Variants in ASCC3 observed in about 807,000 individuals in gnomAD.
The protein encoded by ASCC3 is activating signal cointegrator 1 complex subunit 3, also known as ASC-1 complex subunit P200.
Under a neutral mutation model 256.3 loss-of-function variants are expected in ASCC3, and 158 were observed. The observed-to-expected ratio is 0.62, with a 90% CI of 0.54 to 0.70. The LOEUF (loss-of-function observed/expected upper bound fraction) is 0.70, where lower values mean the gene tolerates loss of function less well. ASCC3 is among the 30% of genes least tolerant of loss of function. ASCC3 has a pLI of 0.00. For missense variants in ASCC3, 2,259 were observed against 2,626.0 expected (o/e 0.86, Z 3.05); for synonymous variants, 948 against 883.4 (o/e 1.07, Z -1.30).
At chr6:100,699,442 A>G (rs1169928589) in intron 13 of ASCC3, among the ~76,000 whole-genome samples, 1 of 152,160 alleles carries the variant, frequency 6.6e-6, no homozygotes. Flanking sequence ...TGGAACTGTA[A>G]GTATGTGAAA....
At chr6:100,675,400 C>A (rs913469583) in intron 14 of ASCC3, among the ~76,000 whole-genome samples, 1 of 152,084 alleles carries the variant, frequency 6.6e-6, no homozygotes, top group Non-Finnish European at 1.5e-5. Context: ...GATACCATCT[C>A]GGAAGAGACG....
chr6:100,522,752 C>T (rs946124938), intron 37 of ASCC3, among the ~76,000 whole-genome samples: 3 of 151,484 alleles, frequency 2.0e-5, no homozygotes, highest in South Asian at 2.1e-4. Flanking sequence ...AACCATTTAA[C>T]GTAAGTTATT....
At chr6:100,533,671 C>T (rs1234924787) in intron 37 of ASCC3, among the ~76,000 whole-genome samples, 1 of 152,160 alleles carries the variant, frequency 6.6e-6, no homozygotes, top group Admixed American at 6.5e-5. Flanking sequence ...TCTCTTTTTG[C>T]ATAACACATA....
chr6:100,518,168 C>G (rs373611160), intron 37 of ASCC3, 26 bp from the exon 38 acceptor site: 278 of 1,612,556 alleles, frequency 1.7e-4, no homozygotes, highest in Non-Finnish European at 1.2e-5. Context: ...GCACATGTTA[C>G]AAGAATTATA....
intron 3 of ASCC3, among the ~76,000 whole-genome samples, chr6:100,863,127 G>A (rs78177469): frequency 0.017 from 2,535 of 152,224 alleles, 76 homozygotes; most frequent in African/African-American, 0.058. Context: ...GGAAAATCTA[G>A]AACTATAATA....
At chr6:100,739,633 A>G (rs897732043) in intron 10 of ASCC3, among the ~76,000 whole-genome samples, 4 of 152,118 alleles carry the variant, frequency 2.6e-5, no homozygotes, top group Non-Finnish European at 5.9e-5. Context: ...TGGTCTATTC[A>G]GGGATTCAAT....
intron 4 of ASCC3, among the ~76,000 whole-genome samples, chr6:100,824,032 A>T (rs990242389): frequency 1.3e-5 from 2 of 152,188 alleles, no homozygotes; most frequent in African/African-American, 4.8e-5. Flanking sequence ...AAATCGGCTT[A>T]AAAAAGATAT....
intron 4 of ASCC3, among the ~76,000 whole-genome samples, chr6:100,806,277 T>C (rs1055207084): frequency 1.3e-5 from 2 of 152,012 alleles, no homozygotes; most frequent in African/African-American, 4.8e-5. Flanking sequence ...CAGTGTAATT[T>C]TTAGCGTTAA....
At chr6:100,877,407 T>TG (rs1774053914) in intron 1 of ASCC3, among the ~76,000 whole-genome samples, 1 of 152,168 alleles carries the variant, frequency 6.6e-6, no homozygotes, top group Admixed American at 6.5e-5. Flanking sequence ...GAATAAATAT[T>TG]AAACAGTGAA....
intron 34 of ASCC3, among the ~76,000 whole-genome samples, chr6:100,595,175 T>G (rs947300372): frequency 6.6e-6 from 1 of 152,152 alleles, no homozygotes; most frequent in East Asian, 1.9e-4. Context: ...ATGTATTGTG[T>G]ATTTTAAAAT....
chr6:100,684,087 A>G (rs1254830439), intron 13 of ASCC3, among the ~76,000 whole-genome samples: 1 of 152,186 alleles, frequency 6.6e-6, no homozygotes, highest in East Asian at 1.9e-4. Context: ...GATTCAGAAA[A>G]CTGGAATGCT....
intron 34 of ASCC3, among the ~76,000 whole-genome samples, chr6:100,597,127 C>T (rs1186438292): frequency 6.6e-6 from 1 of 151,796 alleles, no homozygotes; most frequent in Non-Finnish European, 1.5e-5. Flanking sequence ...CCCTGACTTT[C>T]TTTTTAATAC....
chr6:100,873,728 C>T (rs1352642204), intron 1 of ASCC3, among the ~76,000 whole-genome samples: 1 of 152,146 alleles, frequency 6.6e-6, no homozygotes, highest in African/African-American at 2.4e-5. Context: ...TATCTTCAGC[C>T]TCCTTAAACA....
intron 16 of ASCC3, among the ~76,000 whole-genome samples, chr6:100,656,505 T>C (rs1775922325): frequency 6.6e-6 from 1 of 151,624 alleles, no homozygotes; most frequent in African/African-American, 2.4e-5. Context: ...GAAAAAATAT[T>C]CATGCATTTG....
chr6:100,647,450 T>C lies in ASCC3; in HGVS notation c.3254A>G (p.Asn1085Ser). 2.5e-6 allele frequency: 4 copies of C among 1,612,862 alleles called. No individual in the cohort carries two copies. Among genetic ancestry groups the C allele is most frequent in the Non-Finnish European group, 3.4e-6 (4 of 1,178,908 alleles). Reference sequence around the variant, plus strand: ...AAGAGCACGGACAATTCTAGCTGCATTCTAAAAAATTATAGGAGGAGATTG... The same window carrying C: ...AAGAGCACGGACAATTCTAGCTGCACTCTAAAAAATTATAGGAGGAGATTG... ...LISDSAYVAQ[N>S]AARIVRALFE... Residue 1085 changes from asparagine to serine, a missense_variant and splice_region_variant, in exon 21 of 42, where the codon AAT becomes AGT. Transcript: ENST00000369162.
chr6:100,583,897 T>C (rs1369722728), intron 36 of ASCC3, among the ~76,000 whole-genome samples: 3 of 152,230 alleles, frequency 2.0e-5, no homozygotes, highest in African/African-American at 7.2e-5. Context: ...TTGAGCAGTT[T>C]TCAGTGAGTT....
chr6:100,679,544 G>A, intron 14 of ASCC3, 74 bp downstream of exon 14: 1 of 1,596,352 alleles, frequency 6.3e-7, no homozygotes, highest in Non-Finnish European at 8.6e-7. Flanking sequence ...TGAGACCGTG[G>A]ATCTTTCACA....
chr6:100,585,910 C>T lies in ASCC3; in HGVS notation c.5550+3724G>A, dbSNP rs546084168. The stretch of plus-strand genomic sequence containing the variant: ...CAGAACAGCAGTTTTTCGTGAACCG[C>T]GAATGCTGCTGTCTGATCTTTCTTC... On this transcript the variant is annotated intron_variant, in intron 36 of 41. Coordinates refer to ENST00000369162, the MANE Select transcript of ASCC3 (RefSeq NM_006828.4). Among the ~76,000 whole-genome samples the T allele has an allele frequency of 1.6e-4, 25 of 152,254 alleles. No individual in the cohort carries two copies. The South Asian group carries it at 3.9e-3, about 24-fold the overall frequency.
At chr6:100,775,887 T>C (rs1456935505) in intron 8 of ASCC3, among the ~76,000 whole-genome samples, 2 of 152,044 alleles carry the variant, frequency 1.3e-5, no homozygotes, top group African/African-American at 2.4e-5. Flanking sequence ...ATACTTGATA[T>C]TGTGAATTGT....
Sources: gnomAD v4.1 joint callset for allele counts (sites outside exome capture counted in the v4.1 genomes callset) on GRCh38, gnomAD v4.1.1 for gene constraint, MANE v1.5 for transcripts, NCBI Gene and HGNC (gene_info 2026-07-23, HGNC 2026-07-21) for gene names.